KCTD16: variants seen among roughly 807,000 people sequenced by gnomAD.
KCTD16 encodes potassium channel tetramerization domain containing 16, also known as BTB/POZ domain-containing protein KCTD16.
KCTD16 carries 13 observed loss-of-function variants against 33.2 expected under a neutral mutation model. The ratio of observed to expected loss-of-function variants is 0.39; its 90% CI spans 0.25 to 0.62. The LOEUF is 0.62. Among genes scored for constraint, KCTD16 ranks in the 20% least tolerant of loss-of-function variants. The pLI is 0.50. For missense variants in KCTD16, 441 were observed against 525.1 expected (o/e 0.84, Z 1.57); for synonymous variants, 197 against 195.3 (o/e 1.01, Z -0.07).
At chr5:144,431,529 T>G (rs1561605626) in intron 3 of KCTD16, among the ~76,000 whole-genome samples, 1 of 152,284 alleles carries the variant, frequency 6.6e-6, no homozygotes, top group East Asian at 1.9e-4. Context: ...GAGTGGCCCT[T>G]AAGTCTTAGA....
chr5:144,305,230 G>A (rs1464716209), intron 3 of KCTD16, among the ~76,000 whole-genome samples: 1 of 152,040 alleles, frequency 6.6e-6, no homozygotes, highest in Admixed American at 6.6e-5. Flanking sequence ...CTGTTTCTTG[G>A]AGTAGGGTGG....
chr5:144,261,192 A>G (rs1207894755), intron 3 of KCTD16, among the ~76,000 whole-genome samples: 1 of 151,380 alleles, frequency 6.6e-6, no homozygotes, highest in Non-Finnish European at 1.5e-5. Context: ...AAAGAAAAAA[A>G]AAAAAGGAAC....
At chr5:144,239,622 A>T (rs781434954) in intron 3 of KCTD16, among the ~76,000 whole-genome samples, 7 of 152,166 alleles carry the variant, frequency 4.6e-5, no homozygotes, top group Non-Finnish European at 7.4e-5. Context: ...TATCATAGTT[A>T]TAAACTACCG....
At chr5:144,273,778 G>C (rs1016160381) in intron 3 of KCTD16, among the ~76,000 whole-genome samples, 5 of 151,578 alleles carry the variant, frequency 3.3e-5, no homozygotes, top group Admixed American at 6.6e-5. Context: ...GCTGGGGGGA[G>C]GGGGAAATAG....
At position 144,479,537 on chromosome 5, in the gene KCTD16, T is replaced by C. The variant is rs1754664222; in HGVS notation, c.*5423T>C. On this transcript the variant is annotated 3_prime_UTR_variant, in exon 4 of 4. Transcript: ENST00000512467. ...CATGCTTGTCATGATCATGAGTGAA[T>C]ATTTGAGTAAATATTGCCAAAGGAA... 1 of 151,902 alleles carries C rather than the reference T, an allele frequency of 6.6e-6. No homozygotes were observed. The highest frequency in any genetic ancestry group is 1.5e-5 in the Non-Finnish European group (1 of 67,918). The allele number at this position is 151,902 out of a possible 1,614,324, so 9.4% of individuals were successfully genotyped here. A position where few individuals can be genotyped will look rare whatever the true frequency, so the allele number is the denominator to read the frequency against.
chr5:144,372,825 G>T (rs753713642), intron 3 of KCTD16, among the ~76,000 whole-genome samples: 42 of 152,336 alleles, frequency 2.8e-4, no homozygotes, highest in Middle Eastern at 3.4e-3. Flanking sequence ...CAGGCCCTTT[G>T]GAGGGCTGTT....
intron 3 of KCTD16, among the ~76,000 whole-genome samples, chr5:144,418,208 T>G (rs1046243546): frequency 2.0e-5 from 3 of 152,136 alleles, no homozygotes; most frequent in South Asian, 2.1e-4. Context: ...ACCCAAAGCA[T>G]GAGCAGCAGC....
chr5:144,447,139 A>T (rs1038303767), intron 3 of KCTD16, among the ~76,000 whole-genome samples: 5 of 152,172 alleles, frequency 3.3e-5, no homozygotes, highest in Non-Finnish European at 5.9e-5. Context: ...TCACAATAGC[A>T]AAGACTTGGA....
At chr5:144,177,554 C>A (rs144188562) in intron 2 of KCTD16, among the ~76,000 whole-genome samples, 10 of 152,294 alleles carry the variant, frequency 6.6e-5, no homozygotes, top group Middle Eastern at 3.4e-3. Context: ...TGAAAGCAAT[C>A]TTTGACATTC....
chr5:144,479,544 G>A lies in KCTD16; in HGVS notation c.*5430G>A, dbSNP rs370608941. 3 of 151,922 alleles carry A rather than the reference G, an allele frequency of 2.0e-5. No individual in the cohort carries two copies. The highest frequency in any genetic ancestry group is 7.2e-5 in the African/African-American group (3 of 41,520). The allele number at this position is 151,922 out of a possible 1,614,324, so 9.4% of individuals were successfully genotyped here. On this transcript the variant is annotated 3_prime_UTR_variant, in exon 4 of 4. Transcript: ENST00000512467. ...GTCATGATCATGAGTGAATATTTGA[G>A]TAAATATTGCCAAAGGAAAGTGAAG...
chr5:144,412,947 T>C (rs3937531), intron 3 of KCTD16, among the ~76,000 whole-genome samples: 118,962 of 152,140 alleles, frequency 0.78, 47,141 homozygotes, highest in African/African-American at 0.91. Flanking sequence ...ATATAGTTTA[T>C]AATACTTCAT....
chr5:144,307,160 C>T (rs1444468014), intron 3 of KCTD16, among the ~76,000 whole-genome samples: 1 of 152,190 alleles, frequency 6.6e-6, no homozygotes, highest in Non-Finnish European at 1.5e-5. Flanking sequence ...TTCCAAGGTG[C>T]CCTTTCTTCT....
chr5:144,434,421 C>A (rs1350048154), intron 3 of KCTD16, among the ~76,000 whole-genome samples: 4 of 151,968 alleles, frequency 2.6e-5, no homozygotes, highest in Non-Finnish European at 1.5e-5. Flanking sequence ...TATGAGGATC[C>A]TGAATGAGGG....
chr5:144,325,498 C>A lies in KCTD16; in HGVS notation c.832+117952C>A, dbSNP rs78730155. ...CCTCCTTCCTCACTTGCCCTCTCCC[C>A]CTCCCCTTAGATTTTACACTCAACC... is the stretch of plus-strand genomic sequence containing the variant. On this transcript the variant is annotated intron_variant, in intron 3 of 3. Transcript: ENST00000512467. 9.8e-3 allele frequency among the ~76,000 whole-genome samples: 1,494 copies of A among 152,250 alleles called. 22 individuals carry two copies. Among genetic ancestry groups the A allele is most frequent in the African/African-American group, 0.034 (1,404 of 41,548 alleles).
chr5:144,271,544 C>T (rs1022548755), intron 3 of KCTD16, among the ~76,000 whole-genome samples: 6 of 152,012 alleles, frequency 3.9e-5, no homozygotes, highest in African/African-American at 1.4e-4. Flanking sequence ...GTGAATATTA[C>T]ACTGAATGCT....
At chr5:144,257,287 A>G (rs1754875277) in intron 3 of KCTD16, among the ~76,000 whole-genome samples, 1 of 152,210 alleles carries the variant, frequency 6.6e-6, no homozygotes, top group Non-Finnish European at 1.5e-5. Context: ...ACATAAGTGT[A>G]AGAGAAAGTT....
At chr5:144,268,333 T>A (rs1755202840) in intron 3 of KCTD16, among the ~76,000 whole-genome samples, 1 of 152,218 alleles carries the variant, frequency 6.6e-6, no homozygotes, top group Admixed American at 6.5e-5. Flanking sequence ...TTGACAGCCC[T>A]TCCCCCTCCA....
chr5:144,423,604 A>C (rs1401970045), intron 3 of KCTD16, among the ~76,000 whole-genome samples: 1 of 152,144 alleles, frequency 6.6e-6, no homozygotes, highest in Non-Finnish European at 1.5e-5. Context: ...AATGCACAGG[A>C]CAACCTCTCA....
Position 144,481,100 on chromosome 5 carries a change from T to G in KCTD16, c.*6986T>G, listed in dbSNP as rs2127007512. On this transcript the variant is annotated 3_prime_UTR_variant, in exon 4 of 4. Transcript: ENST00000512467. ...GTTTAGGTGTCTTGTGTTCTTCTACTTCAGTCTTTCTGCCTCAGAAAAATT... is the reference window on the plus strand; with the variant it reads ...GTTTAGGTGTCTTGTGTTCTTCTACGTCAGTCTTTCTGCCTCAGAAAAATT... 1 of 152,076 alleles carries G rather than the reference T, an allele frequency of 6.6e-6. No homozygotes were observed. The highest frequency in any genetic ancestry group is 2.4e-5 in the African/African-American group (1 of 41,540). 9.4% of individuals were successfully genotyped at this position (152,076 alleles called of 1,614,324 possible). A position where few individuals can be genotyped will look rare whatever the true frequency, so the allele number is the denominator to read the frequency against.
Sources: allele counts gnomAD v4.1 joint callset (sites outside exome capture counted in the v4.1 genomes callset), GRCh38; gene constraint gnomAD v4.1.1; transcripts MANE v1.5; gene names NCBI Gene and HGNC (gene_info 2026-07-23, HGNC 2026-07-21).